Variants in NUCB1 observed in about 807,000 individuals in gnomAD.
The protein encoded by NUCB1 is nucleobindin-1.
NUCB1 carries 47 observed loss-of-function variants against 61.2 expected under a neutral mutation model. The observed-to-expected ratio is 0.77, with a 90% CI of 0.61 to 0.98. NUCB1 has a LOEUF of 0.98. Ranked by LOEUF, NUCB1 falls within the 50% of genes least tolerant of loss-of-function variation. The probability of loss-of-function intolerance (pLI) is 0.00; values close to 1 mark genes in which losing one functional copy is unlikely to be tolerated. For missense variants in NUCB1, 583 were observed against 605.3 expected, an observed-to-expected ratio of 0.96 and a Z score of 0.39; for synonymous variants, 234 against 243.1, an observed-to-expected ratio of 0.96 and a Z score of 0.35.
In NUCB1 at chr19:48,921,890, G is replaced by C; in HGVS notation, c.1237G>C (p.Ala413Pro). The change falls in exon 12 of 13, where the codon GCT becomes CCT. Residue 413 changes from alanine to proline, a missense_variant. Coordinates refer to ENST00000405315, the MANE Select transcript of NUCB1 (RefSeq NM_006184.6). ...QQQQQGHKAP[A>P]AHPEGQLKFH... ...GCAGCAGCAAGGCCACAAGGCCCCG[G>C]CTGCCCACCCTGAGGGGCAGCTCAA... is the stretch of plus-strand genomic sequence containing the variant. The C allele has an allele frequency of 6.2e-7, 1 of 1,612,014 alleles. No individual in the cohort carries two copies. The highest frequency in any genetic ancestry group is 8.5e-7 in the Non-Finnish European group (1 of 1,179,574).
chr19:48,912,984 G>T, intron 5 of NUCB1, 27 bp from the exon 6 acceptor site: 1 of 1,566,616 alleles, frequency 6.4e-7, no homozygotes, highest in Non-Finnish European at 8.7e-7. Flanking sequence ...AGGGGGCAGA[G>T]GGGAATGACC....
chr19:48,915,506 A>G (rs1417941696), intron 7 of NUCB1, among the ~76,000 whole-genome samples: 1 of 152,098 alleles, frequency 6.6e-6, no homozygotes, highest in Non-Finnish European at 1.5e-5. Context: ...CTCTGTCTCA[A>G]AAAGCAATAG....
At chr19:48,908,648 CGTGTGTGTGTGTGTGTGTGTGT>C (rs58211997) in intron 4 of NUCB1, among the ~76,000 whole-genome samples, 15 of 86,552 alleles carry the variant, frequency 1.7e-4, no homozygotes, top group African/African-American at 4.8e-4. Flanking sequence ...TCTAGCTGCC[CGTGTGTGTGTGTGTGTGTGTGT>C]GTGTGTGTGT....
chr19:48,905,410 G>A lies in NUCB1; in HGVS notation c.244-343G>A, dbSNP rs1460335835. Among the ~76,000 whole-genome samples the A allele has an allele frequency of 2.6e-5, 4 of 152,230 alleles. No homozygotes were observed. The South Asian group carries it at 6.2e-4, about 24-fold the overall frequency. ...CTCACCACCATGCACGGCTAATTTT[G>A]TATTGTTTCTAGAGACAGGGACTTG... On this transcript the variant is annotated intron_variant, in intron 3 of 12. Transcript: ENST00000405315.
intron 12 of NUCB1, 77 bp downstream of exon 12, chr19:48,922,009 C>T (rs2037615514): frequency 8.8e-7 from 1 of 1,137,188 alleles, no homozygotes; most frequent in Non-Finnish European, 1.3e-6. Context: ...TGGGCCTGGA[C>T]TCCCAGATCT....
In NUCB1 at chr19:48,921,325, G is replaced by T; in HGVS notation, c.1173+1G>T. 1 of 1,577,428 alleles carries T rather than the reference G, an allele frequency of 6.3e-7. No homozygotes were observed. Among genetic ancestry groups the T allele is most frequent in the Non-Finnish European group, 8.6e-7 (1 of 1,162,180 alleles). On this transcript the variant is annotated splice_donor_variant, in intron 11 of 12. Coordinates refer to ENST00000405315, the MANE Select transcript of NUCB1 (RefSeq NM_006184.6). LOFTEE classifies it high-confidence loss of function. ...GGCCCAGAAGAGAGAGCTGCAGCAG[G>T]TGACAGCGGGGGAAGCTGCTTCCAT...
intron 7 of NUCB1, 149 bp downstream of exon 7, chr19:48,913,713 T>C (rs2037506337): frequency 3.1e-6 from 2 of 648,480 alleles, no homozygotes; most frequent in Non-Finnish European, 5.6e-6. Flanking sequence ...CAGACAGCCC[T>C]GCCTCTCCCG....
chr19:48,921,466 G>A, intron 11 of NUCB1, 142 bp downstream of exon 11: 1 of 959,922 alleles, frequency 1.0e-6, no homozygotes, highest in Non-Finnish European at 1.6e-6. Context: ...GCCATCTTGA[G>A]TAAGGGCAGA....
intron 5 of NUCB1, among the ~76,000 whole-genome samples, chr19:48,912,117 T>C (rs957247477): frequency 1.3e-5 from 2 of 150,902 alleles, no homozygotes; most frequent in African/African-American, 4.9e-5. Flanking sequence ...CTCAACCTCC[T>C]GGGCTCAAGC....
intron 12 of NUCB1, among the ~76,000 whole-genome samples, 181 bp from the exon 13 acceptor site, chr19:48,922,137 G>C (rs1473241776): frequency 6.8e-6 from 1 of 146,290 alleles, no homozygotes; most frequent in Non-Finnish European, 1.5e-5. Flanking sequence ...GTGTGAGGGA[G>C]GAGGGGCTGG....
intron 7 of NUCB1, among the ~76,000 whole-genome samples, chr19:48,914,364 C>T (rs1366875170): frequency 6.6e-6 from 1 of 152,026 alleles, no homozygotes; most frequent in Non-Finnish European, 1.5e-5. Flanking sequence ...GTTGCCAAGC[C>T]CCCTCAGGTA....
intron 7 of NUCB1, chr19:48,918,378 G>C (rs2037564135): frequency 4.2e-6 from 1 of 236,570 alleles, no homozygotes; most frequent in African/African-American, 2.3e-5. Flanking sequence ...AGTCGGCACT[G>C]GCCTGGTTGT....
chr19:48,919,512 C>T (rs1176977086), intron 10 of NUCB1, among the ~76,000 whole-genome samples: 1 of 151,274 alleles, frequency 6.6e-6, no homozygotes, highest in African/African-American at 2.4e-5. Flanking sequence ...GAGTCTCACT[C>T]CATCGCCCAG....
At chr19:48,910,021 T>C (rs2037454676) in intron 4 of NUCB1, among the ~76,000 whole-genome samples, 1 of 152,066 alleles carries the variant, frequency 6.6e-6, no homozygotes, top group Non-Finnish European at 1.5e-5. Flanking sequence ...ACCCCTAAGA[T>C]TGGTTGATGC....
At chr19:48,910,916 TG>T (rs2037464384) in intron 4 of NUCB1, 6 of 429,070 alleles carry the variant, frequency 1.4e-5, no homozygotes, top group Non-Finnish European at 2.2e-5. Flanking sequence ...GGGCATGGCC[TG>T]GCATCTAGTA....
At chr19:48,912,894 A>G in intron 5 of NUCB1, 117 bp from the exon 6 acceptor site, 1 of 569,202 alleles carries the variant, frequency 1.8e-6, no homozygotes, top group South Asian at 3.2e-5. Context: ...TAAGAAAGAC[A>G]GGTAGAGGCT....
chr19:48,910,475 CA>C (rs2037460206), intron 4 of NUCB1, among the ~76,000 whole-genome samples: 1 of 151,574 alleles, frequency 6.6e-6, no homozygotes, highest in Non-Finnish European at 1.5e-5. Flanking sequence ...CACCTGAGGT[CA>C]GGAGTTCAAG....
chr19:48,914,852 G>A (rs2037521540), intron 7 of NUCB1, among the ~76,000 whole-genome samples: 1 of 151,962 alleles, frequency 6.6e-6, no homozygotes. Context: ...AGGTTGAGGT[G>A]GGAGGATCAC....
Position 48,921,835 on chromosome 19 carries a change from G to A in NUCB1, c.1182G>A (p.Leu394=). 2.5e-6 allele frequency: 4 copies of A among 1,612,062 alleles called. No individual in the cohort carries two copies. The highest frequency in any genetic ancestry group is 3.4e-6 in the Non-Finnish European group (4 of 1,179,996). Residue 394 remains leucine, a synonymous_variant, in exon 12 of 13, where the codon CTG becomes CTA. Coordinates refer to ENST00000405315, the MANE Select transcript of NUCB1 (RefSeq NM_006184.6). ...CCCCCCACCTCCCACAGGCTGTGCT[G>A]CACATGGAGCAGCGGAAGCAGCAGC... ...AQKRELQQAV[L]HMEQRKQQQQ...
Sources: gnomAD v4.1 joint callset for allele counts (sites outside exome capture counted in the v4.1 genomes callset) on GRCh38, gnomAD v4.1.1 for gene constraint, MANE v1.5 for transcripts, NCBI Gene and HGNC (gene_info 2026-07-23, HGNC 2026-07-21) for gene names.